The following TRPM3 variants were observed in gnomAD, a reference collection of about 807,000 sequenced individuals.
The protein encoded by TRPM3 is long transient receptor potential channel 3.
A neutral mutation model predicts 181.2 loss-of-function variants in TRPM3; 77 were observed. The ratio of observed to expected loss-of-function variants is 0.42; its 90% CI spans 0.35 to 0.51. The LOEUF is 0.51. Among genes scored for constraint, TRPM3 ranks in the 20% least tolerant of loss-of-function variants. The probability of loss-of-function intolerance (pLI) is 0.01; values close to 1 mark genes in which losing one functional copy is unlikely to be tolerated. For synonymous variants in TRPM3, 745 were observed against 796.4 expected (o/e 0.94, Z 1.09); for missense variants, 1,759 against 2,196.7 (o/e 0.80, Z 3.98).
At chr9:70,966,570 A>G (rs1423255170) in intron 1 of TRPM3, among the ~76,000 whole-genome samples, 1 of 152,134 alleles carries the variant, frequency 6.6e-6, no homozygotes, top group African/African-American at 2.4e-5. Context: ...CATAAAAAAG[A>G]ATGAGATCAT....
chr9:70,766,443 A>AC (rs1268366195), intron 7 of TRPM3, among the ~76,000 whole-genome samples: 1 of 152,072 alleles, frequency 6.6e-6, no homozygotes, highest in Admixed American at 6.6e-5. Context: ...CCTTCCTGTG[A>AC]CCCCCATAGA....
intron 1 of TRPM3, among the ~76,000 whole-genome samples, chr9:71,191,170 A>G (rs541313152): frequency 6.6e-6 from 1 of 151,940 alleles, no homozygotes; most frequent in African/African-American, 2.4e-5. Flanking sequence ...ACTGATTCCA[A>G]GCCCTCTTAA....
At chr9:70,605,467 C>CCA (rs2060886649) in intron 19 of TRPM3, among the ~76,000 whole-genome samples, 1 of 151,254 alleles carries the variant, frequency 6.6e-6, no homozygotes, top group African/African-American at 2.5e-5. Flanking sequence ...CCCCAGGGGC[C>CCA]TATCATTTCA....
At chr9:71,070,587 T>C (rs2062627643) in intron 1 of TRPM3, among the ~76,000 whole-genome samples, 2 of 152,222 alleles carry the variant, frequency 1.3e-5, no homozygotes, top group South Asian at 2.1e-4. Context: ...TGCAAAATTC[T>C]GAGTTGCTGA....
chr9:70,995,703 C>A (rs1396455230), intron 1 of TRPM3, among the ~76,000 whole-genome samples: 1 of 152,148 alleles, frequency 6.6e-6, no homozygotes, highest in East Asian at 1.9e-4. Context: ...TAGCATCTTT[C>A]CAGACGTATG....
At position 71,295,255 on chromosome 9, in the gene TRPM3, T is replaced by G. The variant is rs554183346; in HGVS notation, c.183+151398A>C. ...GTAGGAGGTATTCATTCAAGGGAGATGATAATGGTCAGTATTTTCAAAGCC... is the reference window on the plus strand; with the variant it reads ...GTAGGAGGTATTCATTCAAGGGAGAGGATAATGGTCAGTATTTTCAAAGCC... On this transcript the variant is annotated intron_variant, in intron 1 of 24. Transcript: ENST00000357533. Among the ~76,000 whole-genome samples, 67 of 152,250 alleles carry G rather than the reference T, an allele frequency of 4.4e-4. No individual in the cohort carries two copies. The South Asian group carries it at 9.7e-3, about 22-fold the overall frequency.
intron 1 of TRPM3, among the ~76,000 whole-genome samples, chr9:71,038,636 T>A (rs541695942): frequency 5.7e-4 from 87 of 152,284 alleles, no homozygotes; most frequent in African/African-American, 1.9e-3. Flanking sequence ...TATTTAACAA[T>A]TATTTACTGA....
intron 1 of TRPM3, among the ~76,000 whole-genome samples, chr9:70,916,466 A>T (rs563984561): frequency 6.6e-6 from 1 of 152,334 alleles, no homozygotes; most frequent in South Asian, 2.1e-4. Flanking sequence ...TAAGGTATAA[A>T]TAGAAACAAC....
rs1254752138 is a variant in TRPM3 at position 70,532,539 on chromosome 9, GCTC to G, written c.*3411_*3413del. 1 of 152,106 alleles carries G rather than the reference GCTC, an allele frequency of 6.6e-6. No individual in the cohort carries two copies. Among genetic ancestry groups the G allele is most frequent in the Non-Finnish European group, 1.5e-5 (1 of 68,024 alleles). 9.4% of individuals were successfully genotyped at this position (152,106 alleles called of 1,614,324 possible). A position where few individuals can be genotyped will look rare whatever the true frequency, so the allele number is the denominator to read the frequency against. ...ATGAAAATTGTACCCAAGCTTTCCAGCTCCTCATTCAAATCTATCAAGGAGGGG... is the reference window on the plus strand; with the variant it reads ...ATGAAAATTGTACCCAAGCTTTCCAGCTCATTCAAATCTATCAAGGAGGGG... On this transcript the variant is annotated 3_prime_UTR_variant, in exon 26 of 26. Coordinates refer to ENST00000677713, the MANE Select transcript of TRPM3 (RefSeq NM_001366145.2).
intron 22 of TRPM3, among the ~76,000 whole-genome samples, chr9:70,557,916 C>T (rs2048127707): frequency 6.6e-6 from 1 of 152,168 alleles, no homozygotes; most frequent in Non-Finnish European, 1.5e-5. Flanking sequence ...GTGTATATTT[C>T]CCCATCCTAG....
intron 1 of TRPM3, among the ~76,000 whole-genome samples, chr9:71,420,778 A>AAAGG (rs2093731474): frequency 8.6e-6 from 1 of 116,288 alleles, no homozygotes; most frequent in Non-Finnish European, 1.8e-5. Context: ...AGAGAGAGAA[A>AAAGG]GAGAGAGAAA....
At chr9:70,762,544 C>G (rs2078329627) in intron 7 of TRPM3, among the ~76,000 whole-genome samples, 1 of 152,184 alleles carries the variant, frequency 6.6e-6, no homozygotes, top group African/African-American at 2.4e-5. Context: ...ATAACAGATA[C>G]TATTTAAATT....
At chr9:71,049,995 G>A (rs1450199064) in intron 1 of TRPM3, among the ~76,000 whole-genome samples, 2 of 152,070 alleles carry the variant, frequency 1.3e-5, no homozygotes, top group Non-Finnish European at 2.9e-5. Flanking sequence ...TATGTTCAGT[G>A]TCTTACCATT....
At chr9:71,428,205 C>A (rs188170521) in intron 1 of TRPM3, among the ~76,000 whole-genome samples, 1 of 151,932 alleles carries the variant, frequency 6.6e-6, no homozygotes, top group East Asian at 1.9e-4. Flanking sequence ...AATTCTCCTG[C>A]CTCAACCTCC....
intron 1 of TRPM3, among the ~76,000 whole-genome samples, chr9:71,222,341 C>A (rs2080291269): frequency 6.6e-6 from 1 of 152,220 alleles, no homozygotes; most frequent in African/African-American, 2.4e-5. Flanking sequence ...GTGATCATCA[C>A]AGAAGAGGTG....
intron 9 of TRPM3, among the ~76,000 whole-genome samples, chr9:70,648,098 T>C (rs770306602): frequency 2.0e-5 from 3 of 152,176 alleles, no homozygotes; most frequent in Non-Finnish European, 4.4e-5. Flanking sequence ...ATTATTACTA[T>C]TGTTAAAATG....
chr9:70,831,962 A>AATATATATATATATTTATATATATATAT (rs1554730387), intron 5 of TRPM3, among the ~76,000 whole-genome samples: 2 of 64,254 alleles, frequency 3.1e-5, no homozygotes, highest in African/African-American at 1.5e-4. Flanking sequence ...GTACCCCATA[A>AATATATATATATATTTATATATATATAT]ATATATATAT....
intron 1 of TRPM3, among the ~76,000 whole-genome samples, chr9:70,874,723 A>C (rs1287131683): frequency 6.6e-6 from 1 of 151,942 alleles, no homozygotes; most frequent in East Asian, 1.9e-4. Flanking sequence ...TCATAGATTC[A>C]CCAGCTGAAT....
intron 1 of TRPM3, among the ~76,000 whole-genome samples, chr9:71,146,003 C>T (rs1420430502): frequency 1.3e-5 from 2 of 152,106 alleles, no homozygotes; most frequent in African/African-American, 2.4e-5. Flanking sequence ...GACAGAGGTA[C>T]TCTGTGATTC....
Sources: allele counts gnomAD v4.1 joint callset (sites outside exome capture counted in the v4.1 genomes callset), GRCh38; gene constraint gnomAD v4.1.1; transcripts MANE v1.5; gene names NCBI Gene and HGNC (gene_info 2026-07-23, HGNC 2026-07-21).